The following SCHIP1 variants were observed in gnomAD, a reference collection of about 807,000 sequenced individuals.
The protein encoded by SCHIP1 is schwannomin-interacting protein 1.
A neutral mutation model predicts 29.7 loss-of-function variants in SCHIP1; 8 were observed. The ratio of observed to expected loss-of-function variants is 0.27; its 90% CI spans 0.16 to 0.49. SCHIP1 has a LOEUF of 0.49. Among genes scored for constraint, SCHIP1 ranks in the 20% least tolerant of loss-of-function variants. The pLI is 0.99. For missense variants in SCHIP1, 193 were observed against 294.6 expected (o/e 0.66, Z 2.52); for synonymous variants, 76 against 94.9 (o/e 0.80, Z 1.16).
the SCHIP1 span, among the ~76,000 whole-genome samples, chr3:159,571,523 C>T: frequency 1.3e-5 from 2 of 152,154 alleles, no homozygotes; most frequent in African/African-American, 2.4e-5. Flanking sequence ...CTGCTGGATT[C>T]GGTTTGCCAG....
At chr3:159,842,613 C>T (rs372513745) in intron 1 of SCHIP1, among the ~76,000 whole-genome samples, 5 of 152,152 alleles carry the variant, frequency 3.3e-5, no homozygotes, top group African/African-American at 9.6e-5. Context: ...TCTTGGACTC[C>T]GCTCCTACAT....
At chr3:159,746,994 C>G in the SCHIP1 span, among the ~76,000 whole-genome samples, 1 of 152,170 alleles carries the variant, frequency 6.6e-6, no homozygotes, top group Non-Finnish European at 1.5e-5. Context: ...CTATGCCCAC[C>G]CTAATACTTT....
At chr3:159,548,284 G>C in the SCHIP1 span, among the ~76,000 whole-genome samples, 2,213 of 151,972 alleles carry the variant, frequency 0.015, 27 homozygotes, top group Non-Finnish European at 0.02. Context: ...ATAGTAGTTA[G>C]AATTTTATGT....
chr3:159,360,492 T>C, the SCHIP1 span, among the ~76,000 whole-genome samples: 1 of 152,170 alleles, frequency 6.6e-6, no homozygotes, highest in Non-Finnish European at 1.5e-5. Flanking sequence ...GTTCCTATAG[T>C]GTTGCCTTGT....
At chr3:159,280,665 A>C in the SCHIP1 span, among the ~76,000 whole-genome samples, 4 of 152,200 alleles carry the variant, frequency 2.6e-5, no homozygotes, top group African/African-American at 9.6e-5. Context: ...AAGAGTGGAA[A>C]TTTAATGCCA....
At chr3:159,709,486 A>G in the SCHIP1 span, among the ~76,000 whole-genome samples, 1 of 152,192 alleles carries the variant, frequency 6.6e-6, no homozygotes, top group East Asian at 1.9e-4. Context: ...GATGTTGGAT[A>G]TTTCTCAGTC....
the SCHIP1 span, among the ~76,000 whole-genome samples, chr3:159,543,425 T>C: frequency 7.2e-6 from 1 of 138,822 alleles, no homozygotes; most frequent in Admixed American, 7.5e-5. Context: ...TGTCCATGTG[T>C]TCTCATTGTT....
At chr3:159,715,406 G>A in the SCHIP1 span, among the ~76,000 whole-genome samples, 6 of 152,192 alleles carry the variant, frequency 3.9e-5, no homozygotes, top group Admixed American at 1.3e-4. Context: ...TGACTTTGAC[G>A]AGTTGAGAGA....
the SCHIP1 span, among the ~76,000 whole-genome samples, chr3:159,651,352 T>C: frequency 6.6e-6 from 1 of 152,190 alleles, no homozygotes. Context: ...GGAAGTTTTT[T>C]TTAGTAAAGT....
At chr3:159,341,920 G>A in the SCHIP1 span, among the ~76,000 whole-genome samples, 662 of 152,246 alleles carry the variant, frequency 4.3e-3, 3 homozygotes, top group Middle Eastern at 0.01. Context: ...ACTATGTCAA[G>A]AATTATATCC....
chr3:159,715,326 A>T, the SCHIP1 span, among the ~76,000 whole-genome samples: 2 of 152,254 alleles, frequency 1.3e-5, no homozygotes, highest in African/African-American at 2.4e-5. Flanking sequence ...ACTTCTAAAA[A>T]TCGGAGCGCC....
the SCHIP1 span, among the ~76,000 whole-genome samples, chr3:159,532,600 AG>A: frequency 6.6e-6 from 1 of 152,218 alleles, no homozygotes; most frequent in South Asian, 2.1e-4. Context: ...AGTTTCATAA[AG>A]GAAAAAAATG....
the SCHIP1 span, among the ~76,000 whole-genome samples, chr3:159,323,982 C>T: frequency 6.6e-6 from 1 of 152,018 alleles, no homozygotes; most frequent in Admixed American, 6.6e-5. Flanking sequence ...ATAACTGGCC[C>T]TTTTTGGGTG....
chr3:159,603,514 A>G, the SCHIP1 span, among the ~76,000 whole-genome samples: 1 of 152,180 alleles, frequency 6.6e-6, no homozygotes, highest in Non-Finnish European at 1.5e-5. Context: ...GCTGCCAGCC[A>G]TCAGTGAACT....
At chr3:159,685,467 TAG>T in the SCHIP1 span, among the ~76,000 whole-genome samples, 57 of 152,324 alleles carry the variant, frequency 3.7e-4, no homozygotes, top group African/African-American at 1.3e-3. Context: ...ACCCAAAATT[TAG>T]AGAGAAAGAA....
the SCHIP1 span, among the ~76,000 whole-genome samples, chr3:159,713,222 G>GAGAAAGAAAGGAAGAA: frequency 9.9e-6 from 1 of 100,902 alleles, no homozygotes; most frequent in Non-Finnish European, 2.0e-5. Context: ...GAGAGAGAGA[G>GAGAAAGAAAGGAAGAA]AGAAAGAAAG....
At chr3:159,634,844 T>C in the SCHIP1 span, among the ~76,000 whole-genome samples, 1 of 152,172 alleles carries the variant, frequency 6.6e-6, no homozygotes, top group East Asian at 1.9e-4. Flanking sequence ...GCAGCAACTG[T>C]CATCATTATT....
At chr3:159,784,150 A>G in the SCHIP1 span, among the ~76,000 whole-genome samples, 2 of 152,366 alleles carry the variant, frequency 1.3e-5, no homozygotes, top group Admixed American at 1.3e-4. Flanking sequence ...AAGCTGAGGT[A>G]AAGTTTAATT....
the SCHIP1 span, among the ~76,000 whole-genome samples, chr3:159,686,483 T>C: frequency 2.0e-5 from 3 of 152,236 alleles, no homozygotes; most frequent in Non-Finnish European, 4.4e-5. Flanking sequence ...CAAGGCACCA[T>C]GAGCAAGAAC....
Sources: gnomAD v4.1 joint callset for allele counts (sites outside exome capture counted in the v4.1 genomes callset) on GRCh38, gnomAD v4.1.1 for gene constraint, MANE v1.5 for transcripts, NCBI Gene and HGNC (gene_info 2026-07-23, HGNC 2026-07-21) for gene names.